HTR2A: variants seen among roughly 807,000 people sequenced by gnomAD.
HTR2A encodes 5-HT2 receptor.
Under a neutral mutation model 31.0 loss-of-function variants are expected in HTR2A, and 14 were observed. The observed-to-expected ratio is 0.45, with a 90% CI of 0.30 to 0.71. The LOEUF (loss-of-function observed/expected upper bound fraction) is 0.71. Ranked by LOEUF, HTR2A falls within the 30% of genes least tolerant of loss-of-function variation. The probability of loss-of-function intolerance (pLI) is 0.09; values close to 1 mark genes in which losing one functional copy is unlikely to be tolerated. For synonymous variants in HTR2A, 209 were observed against 225.2 expected (o/e 0.93, Z 0.64); for missense variants, 442 against 573.3 (o/e 0.77, Z 2.34).
upstream of HTR2A, among the ~76,000 whole-genome samples, chr13:46,897,326 G>A (rs6306): frequency 0.054 from 8,168 of 152,214 alleles, 344 homozygotes; most frequent in Non-Finnish European, 0.085. Flanking sequence ...GTATGTCCTC[G>A]GAGTGCTGTG....
chr13:46,874,411 C>T (rs1950889990), intron 3 of HTR2A, among the ~76,000 whole-genome samples: 1 of 152,222 alleles, frequency 6.6e-6, no homozygotes, highest in Non-Finnish European at 1.5e-5. Flanking sequence ...CCTTCTATTT[C>T]TCTATCCCTC....
At chr13:46,884,140 CT>C (rs1950987733) in intron 3 of HTR2A, among the ~76,000 whole-genome samples, 1 of 152,204 alleles carries the variant, frequency 6.6e-6, no homozygotes. Flanking sequence ...ATCTGAAACA[CT>C]TTGGAATAAA....
At chr13:46,862,027 T>C (rs1950782602) in intron 3 of HTR2A, among the ~76,000 whole-genome samples, 1 of 152,236 alleles carries the variant, frequency 6.6e-6, no homozygotes, top group African/African-American at 2.4e-5. Flanking sequence ...TCCTTTACTT[T>C]CTGGGTCAGT....
Position 46,853,547 on chromosome 13 carries a change from G to C in HTR2A, c.614-17908C>G, listed in dbSNP as rs192802261. On this transcript the variant is annotated intron_variant, in intron 3 of 3. Transcript: ENST00000542664. The stretch of plus-strand genomic sequence containing the variant: ...TTCCAGGTGAGGCCAAGTGTATCAG[G>C]CTGTTTTAAACCTCCCCAGATGATT... Among the ~76,000 whole-genome samples, 5 of 152,270 alleles carry C rather than the reference G, an allele frequency of 3.3e-5. No homozygotes were observed. The East Asian group carries it at 9.6e-4, about 29-fold the overall frequency.
intron 3 of HTR2A, among the ~76,000 whole-genome samples, chr13:46,857,734 G>T (rs1950748811): frequency 6.6e-6 from 1 of 152,200 alleles, no homozygotes; most frequent in Non-Finnish European, 1.5e-5. Context: ...ATGCCCTGGA[G>T]GCAAGAAAGC....
intron 3 of HTR2A, among the ~76,000 whole-genome samples, chr13:46,838,192 G>T (rs1037343907): frequency 9.9e-5 from 15 of 152,200 alleles, no homozygotes; most frequent in African/African-American, 3.6e-4. Context: ...CATGTACAAG[G>T]TCTTCTTAGA....
chr13:46,835,585 T>C lies in HTR2A; in HGVS notation c.668A>G (p.Lys223Arg), dbSNP rs1163223359. ...ATCGGCGAGTAAGCAACTCCCCTCC[T>C]TAAAGACCTTCGAATCGTCCTGTAG... ...FGLQDDSKVF[K>R]EGSCLLADDN... The change falls in exon 4 of 4, where the codon AAG (lysine) becomes AGG (arginine). Residue 223 changes from lysine (K) to arginine (R), a missense_variant. Lys to Arg is a conservative substitution (Grantham distance 26). Coordinates refer to ENST00000542664, the MANE Select transcript of HTR2A (RefSeq NM_000621.5). 1.2e-6 allele frequency: 2 copies of C among 1,613,872 alleles called. No homozygotes were observed. Among genetic ancestry groups the C allele is most frequent in the South Asian group, 2.2e-5 (2 of 91,080 alleles).
intron 3 of HTR2A, among the ~76,000 whole-genome samples, chr13:46,847,893 T>C (rs1453122612): frequency 6.6e-6 from 1 of 152,188 alleles, no homozygotes; most frequent in Admixed American, 6.5e-5. Flanking sequence ...AGTCCCTAAC[T>C]AGCAACTTCT....
At chr13:46,841,650 GC>G (rs988908018) in intron 3 of HTR2A, among the ~76,000 whole-genome samples, 2 of 151,932 alleles carry the variant, frequency 1.3e-5, no homozygotes, top group African/African-American at 4.8e-5. Flanking sequence ...TGGCCTAATT[GC>G]CCCCATCATA....
At chr13:46,892,011 A>G (rs1424185976) in intron 3 of HTR2A, among the ~76,000 whole-genome samples, 1 of 152,220 alleles carries the variant, frequency 6.6e-6, no homozygotes, top group East Asian at 1.9e-4. Flanking sequence ...TATGTTCTCT[A>G]GCAAAGTGGT....
chr13:46,840,764 C>A (rs1950591344), intron 3 of HTR2A, among the ~76,000 whole-genome samples: 1 of 152,142 alleles, frequency 6.6e-6, no homozygotes, highest in Non-Finnish European at 1.5e-5. Flanking sequence ...CTATGATAAT[C>A]CTAAAATCTG....
At chr13:46,874,482 A>G (rs1950890633) in intron 3 of HTR2A, among the ~76,000 whole-genome samples, 1 of 152,148 alleles carries the variant, frequency 6.6e-6, no homozygotes, top group Admixed American at 6.5e-5. Flanking sequence ...CACCCAATAT[A>G]ATTGAGTTCC....
chr13:46,895,844 T>A lies in HTR2A; in HGVS notation c.63A>T (p.Leu21Phe). ...TACTGTAGAGCCTGGTGTCATCATT[T>A]AATTGCATTAGGGAGTTCGTAGTTG... ...LSSTTNSLMQ[L>F]NDDTRLYSND... Residue 21 changes from leucine to phenylalanine, a missense_variant, in exon 2 of 4, where the codon TTA (leucine) becomes TTT (phenylalanine). Transcript: ENST00000542664. This position sits in a 1 kb window ranked among gnomAD's most constrained non-coding sequence, Gnocchi z 4.4. 1 of 1,614,188 alleles carries A rather than the reference T, an allele frequency of 6.2e-7. No homozygotes were observed. Among genetic ancestry groups the A allele is most frequent in the South Asian group, 1.1e-5 (1 of 91,078 alleles).
At chr13:46,875,890 T>G (rs1950905596) in intron 3 of HTR2A, among the ~76,000 whole-genome samples, 1 of 152,194 alleles carries the variant, frequency 6.6e-6, no homozygotes, top group Non-Finnish European at 1.5e-5. Flanking sequence ...GTAATATATG[T>G]TATAACAGAC....
intron 3 of HTR2A, among the ~76,000 whole-genome samples, chr13:46,869,393 C>T (rs78025243): frequency 0.04 from 6,089 of 152,144 alleles, 126 homozygotes; most frequent in Middle Eastern, 0.065. Context: ...AACCACTTCT[C>T]ACATACTATG....
chr13:46,846,272 T>C (rs1301717655), intron 3 of HTR2A, among the ~76,000 whole-genome samples: 2 of 152,130 alleles, frequency 1.3e-5, no homozygotes, highest in Non-Finnish European at 2.9e-5. Context: ...CCTTATATAG[T>C]AAATATAAAG....
chr13:46,862,712 G>C (rs2049333681), intron 3 of HTR2A, among the ~76,000 whole-genome samples: 1 of 152,194 alleles, frequency 6.6e-6, no homozygotes, highest in South Asian at 2.1e-4. Flanking sequence ...GTGCCCTCTA[G>C]TTGGTAATAG....
chr13:46,853,738 A>G (rs1950709283), intron 3 of HTR2A, among the ~76,000 whole-genome samples: 1 of 152,172 alleles, frequency 6.6e-6, no homozygotes, highest in South Asian at 2.1e-4. Context: ...CTTCCAAGGC[A>G]GCATCTACGA....
At chr13:46,876,106 A>G (rs1409930198) in intron 3 of HTR2A, among the ~76,000 whole-genome samples, 2 of 152,120 alleles carry the variant, frequency 1.3e-5, no homozygotes. Context: ...TAGTTCATAT[A>G]TCTCAATCTG....
Sources: gnomAD v4.1 joint callset for allele counts (sites outside exome capture counted in the v4.1 genomes callset) on GRCh38, gnomAD v4.1.1 for gene constraint, Gnocchi (gnomAD v3.1) non-coding constraint, MANE v1.5 for transcripts, NCBI Gene and HGNC (gene_info 2026-07-23, HGNC 2026-07-21) for gene names.